Variants in MCC observed in about 807,000 individuals in gnomAD.
MCC encodes MCC regulator of Wnt signaling pathway.
A neutral mutation model predicts 116.2 loss-of-function variants in MCC; 90 were observed. The observed-to-expected ratio is 0.77, with a 90% confidence interval of 0.65 to 0.92. The LOEUF (loss-of-function observed/expected upper bound fraction) is 0.92, where lower values mean the gene tolerates loss of function less well. Among genes scored for constraint, MCC ranks in the 40% least tolerant of loss-of-function variants. The pLI, the probability that MCC is intolerant of heterozygous loss-of-function variation, is 0.00. For synonymous variants in MCC, 578 were observed against 510.5 expected, an observed-to-expected ratio of 1.13 and a Z score of -1.78; for missense variants, 1,516 against 1,312.2, an observed-to-expected ratio of 1.16 and a Z score of -2.40.
intron 11 of MCC, among the ~76,000 whole-genome samples, chr5:113,074,275 G>T (rs201968525): frequency 6.6e-6 from 1 of 152,214 alleles, no homozygotes; most frequent in Non-Finnish European, 1.5e-5. Flanking sequence ...ACAGGGTCTG[G>T]AGTGGACCTC....
intron 2 of MCC, among the ~76,000 whole-genome samples, chr5:113,363,038 G>C (rs1768586539): frequency 6.6e-6 from 1 of 152,056 alleles, no homozygotes; most frequent in Admixed American, 6.6e-5. Context: ...CCAGCACTTT[G>C]GGAGACAGAG....
intron 3 of MCC, among the ~76,000 whole-genome samples, chr5:113,279,271 CAG>C (rs1463714631): frequency 1.3e-5 from 2 of 152,164 alleles, no homozygotes; most frequent in African/African-American, 4.8e-5. Context: ...GTTCAATGCT[CAG>C]AGTCACCCGA....
At chr5:113,080,579 C>T (rs1754781695) in intron 11 of MCC, among the ~76,000 whole-genome samples, 1 of 152,168 alleles carries the variant, frequency 6.6e-6, no homozygotes. Flanking sequence ...CACATGTTCT[C>T]ACTCATAGGT....
intron 14 of MCC, among the ~76,000 whole-genome samples, chr5:113,061,437 T>C (rs1478695308): frequency 1.3e-5 from 2 of 152,238 alleles, no homozygotes; most frequent in Admixed American, 6.5e-5. Flanking sequence ...TTAGTCCTTG[T>C]GCCTCTTTGT....
intron 3 of MCC, among the ~76,000 whole-genome samples, chr5:113,238,743 T>C (rs1764246917): frequency 6.6e-6 from 1 of 152,224 alleles, no homozygotes; most frequent in Non-Finnish European, 1.5e-5. Context: ...ATTCTTACCA[T>C]GGTTTGCCTC....
chr5:113,113,040 C>T lies in MCC; in HGVS notation c.1028-8685G>A, dbSNP rs562443706. Among the ~76,000 whole-genome samples the T allele has an allele frequency of 8.5e-5, 13 of 152,336 alleles. No homozygotes were observed. The East Asian group carries it at 2.1e-3, about 25-fold the overall frequency. ...AACAGAAGCAGCTGTAGGCCTGCTA[C>T]GATGTGGGCTATAGCAGGACTGGCC... On this transcript the variant is annotated intron_variant, in intron 6 of 18. Transcript: ENST00000408903.
intron 1 of MCC, among the ~76,000 whole-genome samples, chr5:113,423,185 C>T (rs1053670766): frequency 5.9e-5 from 9 of 152,152 alleles, no homozygotes; most frequent in African/African-American, 1.7e-4. Flanking sequence ...TTCATACCTT[C>T]GTGCTTTTTG....
chr5:113,069,592 G>A (rs143446952), intron 12 of MCC, among the ~76,000 whole-genome samples: 56 of 152,236 alleles, frequency 3.7e-4, no homozygotes, highest in African/African-American at 1.3e-3. Flanking sequence ...TCTTTGAGAC[G>A]GAGTCTCGCT....
Position 113,250,682 on chromosome 5 carries a change from G to A in MCC, c.627+89837C>T, listed in dbSNP as rs556316287. Reference sequence around the variant, plus strand: ...ATGGAACTGTTTGTGTAAGTGGTGTGGGGAATTCAGATCAAATATTCAGGG... The same window carrying A: ...ATGGAACTGTTTGTGTAAGTGGTGTAGGGAATTCAGATCAAATATTCAGGG... On this transcript the variant is annotated intron_variant, in intron 3 of 18. Coordinates refer to ENST00000408903, the MANE Select transcript of MCC (RefSeq NM_001085377.2). 7.0e-4 allele frequency among the ~76,000 whole-genome samples: 107 copies of A among 152,280 alleles called. No homozygotes were observed. The Middle Eastern group carries it at 0.017, about 24-fold the overall frequency.
chr5:113,402,796 A>G (rs147094066), intron 1 of MCC, among the ~76,000 whole-genome samples: 69 of 152,224 alleles, frequency 4.5e-4, no homozygotes, highest in Admixed American at 2.7e-3. Context: ...AAATGTTGTC[A>G]TTGTGTCTCA....
intron 3 of MCC, among the ~76,000 whole-genome samples, chr5:113,280,301 T>C (rs139486200): frequency 5.9e-5 from 9 of 152,214 alleles, no homozygotes; most frequent in Non-Finnish European, 1.0e-4. Flanking sequence ...CTGGTTGATA[T>C]AAAAGTAGTT....
chr5:113,385,636 A>C (rs1769236243), intron 1 of MCC, among the ~76,000 whole-genome samples: 2 of 152,352 alleles, frequency 1.3e-5, no homozygotes, highest in Admixed American at 1.3e-4. Context: ...TTATAAAAGA[A>C]CCAACAGAGA....
chr5:113,152,029 G>C (rs895279430), intron 3 of MCC, among the ~76,000 whole-genome samples: 1 of 152,180 alleles, frequency 6.6e-6, no homozygotes, highest in Non-Finnish European at 1.5e-5. Flanking sequence ...GTACTGGCCA[G>C]ACAGATGCTT....
At chr5:113,276,963 A>C (rs1765854014) in intron 3 of MCC, among the ~76,000 whole-genome samples, 1 of 151,988 alleles carries the variant, frequency 6.6e-6, no homozygotes, top group African/African-American at 2.4e-5. Context: ...TTTTAAAAAG[A>C]AGCTATATCA....
chr5:113,363,821 G>A (rs1040323724), intron 2 of MCC, among the ~76,000 whole-genome samples: 1 of 152,130 alleles, frequency 6.6e-6, no homozygotes, highest in African/African-American at 2.4e-5. Flanking sequence ...TCTGTGACAA[G>A]ACTAGGCCTT....
intron 3 of MCC, among the ~76,000 whole-genome samples, chr5:113,321,990 C>T (rs1767432926): frequency 1.3e-5 from 2 of 152,302 alleles, no homozygotes; most frequent in African/African-American, 2.4e-5. Flanking sequence ...CACCACCATG[C>T]CTGGCTAGTT....
At chr5:113,036,954 C>A (rs2150211031) in intron 17 of MCC, among the ~76,000 whole-genome samples, 1 of 152,304 alleles carries the variant, frequency 6.6e-6, no homozygotes, top group South Asian at 2.1e-4. Context: ...GTCCTGCAGA[C>A]CCATGTGCTT....
At chr5:113,076,137 C>A (rs1048154959) in intron 11 of MCC, among the ~76,000 whole-genome samples, 2 of 152,156 alleles carry the variant, frequency 1.3e-5, no homozygotes, top group African/African-American at 4.8e-5. Context: ...AAGAACCCAC[C>A]AATACTGGAC....
Position 113,064,171 on chromosome 5 carries a change from T to C in MCC, c.2030-4A>G, listed in dbSNP as rs747395866. ...TTTTCATCCCCCGACTGGTCTCCTA[T>C]GTGGCAGAGAAGCCAACGGATTAAT... On this transcript the variant is annotated splice_region_variant and splice_polypyrimidine_tract_variant and intron_variant, in intron 13 of 18. Transcript: ENST00000408903. 2.1e-5 allele frequency: 33 copies of C among 1,605,092 alleles called. No individual in the cohort carries two copies. Among genetic ancestry groups the C allele is most frequent in the Non-Finnish European group, 2.6e-5 (31 of 1,174,380 alleles).
Sources: allele counts gnomAD v4.1 joint callset (sites outside exome capture counted in the v4.1 genomes callset), GRCh38; gene constraint gnomAD v4.1.1; transcripts MANE v1.5; gene names NCBI Gene and HGNC (gene_info 2026-07-23, HGNC 2026-07-21).